PCDHA1: variants seen among roughly 807,000 people sequenced by gnomAD.
PCDHA1 encodes the protein protocadherin alpha-1.
Under a neutral mutation model 61.3 loss-of-function variants are expected in PCDHA1, and 42 were observed. That is an observed-to-expected ratio of 0.69 (90% CI 0.54 to 0.89). The LOEUF (loss-of-function observed/expected upper bound fraction) is 0.89, where lower values mean the gene tolerates loss of function less well. Among genes scored for constraint, PCDHA1 ranks in the 40% least tolerant of loss-of-function variants. PCDHA1 has a pLI of 0.00. For synonymous variants in PCDHA1, 610 were observed against 553.8 expected, an observed-to-expected ratio of 1.10 and a Z score of -1.43; for missense variants, 1,256 against 1,235.3, an observed-to-expected ratio of 1.02 and a Z score of -0.25.
chr5:141,004,336 G>A (rs1554259546), intron 3 of PCDHA1, among the ~76,000 whole-genome samples: 1 of 152,224 alleles, frequency 6.6e-6, no homozygotes, highest in East Asian at 1.9e-4. Flanking sequence ...AGGCACAGTG[G>A]TCTGTGAGGG....
intron 1 of PCDHA1, among the ~76,000 whole-genome samples, chr5:140,970,633 A>G (rs2096420540): frequency 6.6e-6 from 1 of 152,210 alleles, no homozygotes; most frequent in Admixed American, 6.5e-5. Context: ...AAAATTTTGT[A>G]CCATAAATAG....
At chr5:140,872,545 TGAACCCAGGGGTTCAG>T (rs1372003067) in intron 1 of PCDHA1, among the ~76,000 whole-genome samples, 1 of 152,158 alleles carries the variant, frequency 6.6e-6, no homozygotes, top group Non-Finnish European at 1.5e-5. Flanking sequence ...GAGGATCCCC[TGAACCCAGGGGTTCAG>T]GGCTGCAGTG....
At chr5:140,827,106 T>C (rs1180227129) in intron 1 of PCDHA1, among the ~76,000 whole-genome samples, 1 of 152,176 alleles carries the variant, frequency 6.6e-6, no homozygotes, top group Non-Finnish European at 1.5e-5. Flanking sequence ...TCAGCATGTA[T>C]AGGTGAAAGT....
intron 1 of PCDHA1, chr5:140,850,152 G>T (rs2150469849): frequency 1.3e-6 from 2 of 1,595,546 alleles, no homozygotes; most frequent in Middle Eastern, 2.0e-4. Context: ...GACGCTGCAG[G>T]TGTTCGTGCT....
intron 1 of PCDHA1, chr5:140,843,672 A>G: frequency 6.3e-7 from 1 of 1,592,800 alleles, no homozygotes; most frequent in Non-Finnish European, 8.6e-7. Context: ...GGATCAGTTG[A>G]TGTAGGCGAA....
At chr5:140,986,231 C>A (rs2097191592) in intron 3 of PCDHA1, among the ~76,000 whole-genome samples, 1 of 152,210 alleles carries the variant, frequency 6.6e-6, no homozygotes, top group African/African-American at 2.4e-5. Context: ...AGCCTCCCCT[C>A]TGTGTGAGCA....
At chr5:140,812,997 A>G (rs1020894266) in intron 1 of PCDHA1, 2 of 152,210 alleles carry the variant, frequency 1.3e-5, no homozygotes, top group Non-Finnish European at 2.9e-5. Flanking sequence ...CTGTGGTCAG[A>G]AAAGATATTT....
rs782061737 is a variant in PCDHA1 at position 140,807,674 on chromosome 5, G to C, written c.2394+18990G>C. ...AGAGGGCGCCTCGGATGCAGATATC[G>C]GGGAGAACGCCCTGCTCACTTACAG... On this transcript the variant is annotated intron_variant, in intron 1 of 3. Transcript: ENST00000504120. 3.6e-5 allele frequency: 58 copies of C among 1,614,088 alleles called. No individual in the cohort carries two copies. The highest frequency in any genetic ancestry group is 1.6e-4 in the Middle Eastern group (1 of 6,084).
At chr5:140,999,980 C>G (rs1386394350) in intron 3 of PCDHA1, among the ~76,000 whole-genome samples, 1 of 152,076 alleles carries the variant, frequency 6.6e-6, no homozygotes, top group East Asian at 1.9e-4. Flanking sequence ...GCTCTAGCGG[C>G]CTCTGGGTAG....
intron 1 of PCDHA1, among the ~76,000 whole-genome samples, chr5:140,890,901 T>C (rs1583031993): frequency 6.6e-6 from 1 of 152,194 alleles, no homozygotes; most frequent in Admixed American, 6.5e-5. Flanking sequence ...TGTCTTTCCA[T>C]GTTAGAATAA....
chr5:140,946,224 C>T (rs1450090999), intron 1 of PCDHA1, among the ~76,000 whole-genome samples: 1 of 151,786 alleles, frequency 6.6e-6, no homozygotes, highest in Non-Finnish European at 1.5e-5. Context: ...AACAGGTATA[C>T]TAAAAAATGC....
intron 1 of PCDHA1, chr5:140,870,634 G>C: frequency 6.2e-7 from 1 of 1,612,862 alleles, no homozygotes; most frequent in Non-Finnish European, 8.5e-7. Context: ...GTCGGTGCAC[G>C]CGGAGAGCGG....
intron 1 of PCDHA1, among the ~76,000 whole-genome samples, chr5:140,901,207 T>G (rs894216497): frequency 6.6e-6 from 1 of 152,206 alleles, no homozygotes; most frequent in Non-Finnish European, 1.5e-5. Flanking sequence ...AGAAGGTTTT[T>G]AAGTTGATGT....
intron 1 of PCDHA1, chr5:140,814,194 A>T (rs1266788072): frequency 1.3e-5 from 2 of 151,392 alleles, no homozygotes; most frequent in African/African-American, 4.9e-5. Context: ...TAATTTTTTT[A>T]TTTTTTTCAC....
intron 3 of PCDHA1, among the ~76,000 whole-genome samples, chr5:140,982,785 G>A (rs1037904724): frequency 2.0e-5 from 3 of 151,236 alleles, no homozygotes; most frequent in African/African-American, 4.9e-5. Flanking sequence ...GTGTGTGCAC[G>A]CATGTGTGCA....
At chr5:140,810,298 T>C (rs782625425) in intron 1 of PCDHA1, 2 of 152,268 alleles carry the variant, frequency 1.3e-5, no homozygotes, top group Non-Finnish European at 2.9e-5. Context: ...ATAAATATAT[T>C]GTACATTTCT....
chr5:140,788,079 G>T lies in PCDHA1; in HGVS notation c.1789G>T (p.Val597Leu), dbSNP rs781970934. The T allele has an allele frequency of 6.2e-7, 1 of 1,614,014 alleles. No individual in the cohort carries two copies. Among genetic ancestry groups the T allele is most frequent in the Admixed American group, 1.7e-5 (1 of 60,018 alleles). The change falls in exon 1 of 4, where the codon GTG (valine) becomes TTG (leucine). Residue 597 changes from valine (V) to leucine (L), a missense_variant. Val to Leu is a conservative substitution (Grantham distance 32, BLOSUM62 1). Transcript: ENST00000504120. ...AGHVVAKVRA[V>L]DADSGYNAWL... ...TCATGTGGTGGCGAAGGTGCGCGCA[G>T]TGGACGCCGACTCGGGCTACAACGC...
intron 1 of PCDHA1, chr5:140,968,895 T>G: frequency 6.2e-7 from 1 of 1,614,218 alleles, no homozygotes; most frequent in Non-Finnish European, 8.5e-7. Context: ...TATCTAATAA[T>G]AGCATTAAGC....
At position 141,009,762 on chromosome 5, in the gene PCDHA1, C is replaced by G. The variant is rs2154001658; in HGVS notation, c.2678C>G (p.Ser893Cys). Reference sequence around the variant, plus strand: ...CCCGACAAATTCATTATCCCAGGATCTCCTGCAATCATCTCCATCCGGCAG... The same window carrying G: ...CCCGACAAATTCATTATCCCAGGATGTCCTGCAATCATCTCCATCCGGCAG... Reference protein sequence around the residue: ...ELPDKFIIPGSPAIISIRQEP... With the variant: ...ELPDKFIIPGCPAIISIRQEP... The change falls in exon 4 of 4, where the codon TCT becomes TGT. Residue 893 changes from serine (S) to cysteine (C), a missense_variant. Coordinates refer to ENST00000504120, the MANE Select transcript of PCDHA1 (RefSeq NM_018900.4). 5 of 1,614,180 alleles carry G rather than the reference C, an allele frequency of 3.1e-6. No homozygotes were observed. In the East Asian group the frequency reaches 1.1e-4, roughly 36 times the overall value.
Sources: gnomAD v4.1 joint callset for allele counts (sites outside exome capture counted in the v4.1 genomes callset) on GRCh38, gnomAD v4.1.1 for gene constraint, MANE v1.5 for transcripts, NCBI Gene and HGNC (gene_info 2026-07-23, HGNC 2026-07-21) for gene names.